The following IL17RD variants were observed in gnomAD, a reference collection of about 807,000 sequenced individuals.
IL17RD encodes interleukin-17 receptor D.
Under a neutral mutation model 80.5 loss-of-function variants are expected in IL17RD, and 52 were observed. That is an observed-to-expected ratio of 0.65 (90% CI 0.52 to 0.81). The LOEUF is 0.81. IL17RD is among the 40% of genes least tolerant of loss of function. The probability of loss-of-function intolerance (pLI) is 0.00; values close to 1 mark genes in which losing one functional copy is unlikely to be tolerated. For synonymous variants in IL17RD, 416 were observed against 391.8 expected (o/e 1.06, Z -0.73); for missense variants, 1,024 against 955.1 (o/e 1.07, Z -0.95).
intron 1 of IL17RD, among the ~76,000 whole-genome samples, chr3:57,154,349 C>G (rs960181386): frequency 1.3e-5 from 2 of 151,112 alleles, no homozygotes; most frequent in African/African-American, 4.9e-5. Context: ...ATGCCTTTCC[C>G]TAAAACTCTT....
At chr3:57,127,787 C>T (rs1320075695) in intron 1 of IL17RD, among the ~76,000 whole-genome samples, 2 of 152,116 alleles carry the variant, frequency 1.3e-5, no homozygotes, top group Non-Finnish European at 2.9e-5. Context: ...AGGCTTAAAA[C>T]GTACAACGGG....
chr3:57,143,015 G>T (rs904957220), intron 1 of IL17RD, among the ~76,000 whole-genome samples: 1 of 151,992 alleles, frequency 6.6e-6, no homozygotes, highest in Non-Finnish European at 1.5e-5. Context: ...TGTTTCAAAC[G>T]GAGCATAAAT....
intron 5 of IL17RD, among the ~76,000 whole-genome samples, chr3:57,108,509 C>CTTTTTTTTTTTTTT (rs34594516): frequency 2.0e-5 from 1 of 49,154 alleles, no homozygotes; most frequent in African/African-American, 9.6e-5. Context: ...TGATACATGG[C>CTTTTTTTTTTTTTT]TTTTTTTTTT....
chr3:57,101,328 C>G lies in IL17RD; in HGVS notation c.1015G>C (p.Glu339Gln). The change falls in exon 11 of 13, where the codon GAG becomes CAG. Residue 339 changes from glutamate (E) to glutamine (Q), a missense_variant. Glu to Gln is a conservative substitution (Grantham distance 29). Transcript: ENST00000296318. The stretch of plus-strand genomic sequence containing the variant: ...AGTGCTGCAGTGTATGTGGAAGACT[C>G]AGAGCTCTCTTCATCTAAATGTGAA... ...IYSHLDEESS[E>Q]SSTYTAALPR... is the part of the protein sequence containing the mutation. The G allele has an allele frequency of 6.2e-7, 1 of 1,612,324 alleles. No individual in the cohort carries two copies. Among genetic ancestry groups the G allele is most frequent in the Non-Finnish European group, 8.5e-7 (1 of 1,178,754 alleles).
In IL17RD at chr3:57,110,330, T is replaced by G; in HGVS notation, c.311-19A>C. The G allele has an allele frequency of 6.4e-7, 1 of 1,569,028 alleles. No individual in the cohort carries two copies. Among genetic ancestry groups the G allele is most frequent in the Non-Finnish European group, 8.7e-7 (1 of 1,155,744 alleles). ...TCGATGCCTAAGCAAAGCAGAATGC[T>G]TTTATTAATAGTGAACCTAATTACT... On this transcript the variant is annotated intron_variant, in intron 3 of 12. Transcript: ENST00000296318.
intron 1 of IL17RD, chr3:57,134,343 C>T (rs1023547640): frequency 1.0e-5 from 7 of 691,044 alleles, no homozygotes; most frequent in Admixed American, 1.8e-5. Flanking sequence ...CACCTTGGCC[C>T]GCTGGAAGGG....
At chr3:57,112,056 C>T (rs749147298) in intron 3 of IL17RD, among the ~76,000 whole-genome samples, 2 of 152,034 alleles carry the variant, frequency 1.3e-5, no homozygotes, top group East Asian at 1.9e-4. Flanking sequence ...GCCTAAAAAC[C>T]GCTACACCAA....
At chr3:57,126,233 C>T (rs1054133633) in intron 1 of IL17RD, among the ~76,000 whole-genome samples, 10 of 152,206 alleles carry the variant, frequency 6.6e-5, no homozygotes, top group African/African-American at 1.4e-4. Context: ...GCTGCACTAA[C>T]GGGTAGCTTT....
intron 2 of IL17RD, among the ~76,000 whole-genome samples, chr3:57,115,219 G>A (rs76571646): frequency 0.014 from 2,134 of 152,240 alleles, 60 homozygotes; most frequent in African/African-American, 0.049. Context: ...CTTGGGCATT[G>A]TTTGTTTTTA....
intron 1 of IL17RD, among the ~76,000 whole-genome samples, chr3:57,123,604 A>T (rs1002167185): frequency 3.3e-5 from 5 of 152,228 alleles, no homozygotes; most frequent in African/African-American, 1.2e-4. Flanking sequence ...TTTGAGTAGC[A>T]TGGCACTTTT....
At chr3:57,154,260 T>TTATATATATATATATATA (rs751847693) in intron 1 of IL17RD, among the ~76,000 whole-genome samples, 5 of 128,598 alleles carry the variant, frequency 3.9e-5, no homozygotes, top group African/African-American at 1.5e-4. Flanking sequence ...AAAAAAAAAA[T>TTATATATATATATATATA]TATATATATA....
At chr3:57,101,705 G>C (rs942010532) in intron 10 of IL17RD, among the ~76,000 whole-genome samples, 7 of 152,240 alleles carry the variant, frequency 4.6e-5, no homozygotes, top group African/African-American at 1.2e-4. Context: ...ATTAAGCACA[G>C]GCAGAGCTGA....
chr3:57,097,776 G>C lies in IL17RD; in HGVS notation c.1927C>G (p.Leu643Val). 6.2e-7 allele frequency: 1 copy of C among 1,603,000 alleles called. No individual in the cohort carries two copies. ...TTCACCGTGTGCAGCAGGGGTTGCA[G>C]GGCGGCGCTACCGTCAAGGGCAGGC... ...ARPALDGSAA[L>V]QPLLHTVKAG... The change falls in exon 12 of 13, where the codon CTG (leucine) becomes GTG (valine). Residue 643 changes from leucine to valine, a missense_variant. By Grantham distance (32) the Leu-to-Val change is conservative (BLOSUM62 1). Coordinates refer to ENST00000296318, the MANE Select transcript of IL17RD (RefSeq NM_017563.5).
chr3:57,151,012 A>G (rs1450195094), intron 1 of IL17RD, among the ~76,000 whole-genome samples: 1 of 152,190 alleles, frequency 6.6e-6, no homozygotes, highest in South Asian at 2.1e-4. Context: ...TTAATATCAC[A>G]TGTTTATTTA....
intron 2 of IL17RD, among the ~76,000 whole-genome samples, chr3:57,115,265 G>C (rs762461422): frequency 6.6e-6 from 1 of 152,202 alleles, no homozygotes; most frequent in Non-Finnish European, 1.5e-5. Context: ...TGGGGGAAAG[G>C]AACTAACACT....
chr3:57,142,319 A>C (rs946077292), intron 1 of IL17RD: 2 of 337,228 alleles, frequency 5.9e-6, no homozygotes, highest in South Asian at 4.6e-5. Context: ...TTTTACAAAA[A>C]CAGTGTCCAG....
chr3:57,109,274 G>A (rs756846526), intron 5 of IL17RD, among the ~76,000 whole-genome samples: 6 of 151,864 alleles, frequency 4.0e-5, no homozygotes, highest in Admixed American at 2.6e-4. Context: ...TTAGCCTCCC[G>A]AGTAGTGGGA....
intron 1 of IL17RD, among the ~76,000 whole-genome samples, chr3:57,121,253 G>A (rs1707331598): frequency 6.6e-6 from 1 of 152,148 alleles, no homozygotes; most frequent in African/African-American, 2.4e-5. Flanking sequence ...CCATATGCGG[G>A]CAGCCTGGCA....
At chr3:57,125,763 G>A (rs1707446782) in intron 1 of IL17RD, among the ~76,000 whole-genome samples, 1 of 152,200 alleles carries the variant, frequency 6.6e-6, no homozygotes, top group African/African-American at 2.4e-5. Flanking sequence ...AGATGGTCAA[G>A]GAGGCCTAGT....
Sources: gnomAD v4.1 joint callset for allele counts (sites outside exome capture counted in the v4.1 genomes callset) on GRCh38, gnomAD v4.1.1 for gene constraint, MANE v1.5 for transcripts, NCBI Gene and HGNC (gene_info 2026-07-23, HGNC 2026-07-21) for gene names.